TBC1D22A: variants seen among roughly 807,000 people sequenced by gnomAD.
TBC1D22A encodes the protein TBC1 domain family member 22A.
In TBC1D22A, 38 loss-of-function variants were observed where a neutral mutation model predicts 60.2. The ratio of observed to expected loss-of-function variants is 0.63; its 90% CI spans 0.49 to 0.83. The LOEUF (loss-of-function observed/expected upper bound fraction) is 0.83, where lower values mean the gene tolerates loss of function less well. Ranked by LOEUF, TBC1D22A falls within the 40% of genes least tolerant of loss-of-function variation. TBC1D22A has a pLI of 0.00. For missense variants in TBC1D22A, 628 were observed against 701.0 expected (o/e 0.90, Z 1.18); for synonymous variants, 302 against 281.7 (o/e 1.07, Z -0.72).
Position 46,957,688 on chromosome 22 carries a change from C to T in TBC1D22A, c.1016-16602C>T, listed in dbSNP as rs528401493. Among the ~76,000 whole-genome samples, 6 of 152,322 alleles carry T rather than the reference C, an allele frequency of 3.9e-5. No individual in the cohort carries two copies. In the East Asian group the frequency reaches 5.8e-4, roughly 15 times the overall value. Reference sequence around the variant, plus strand: ...GCTCGGGATCCCAGAATGAGGACAGCGTGGGCCAGCTAAGCTGAGTGGGGC... The same window carrying T: ...GCTCGGGATCCCAGAATGAGGACAGTGTGGGCCAGCTAAGCTGAGTGGGGC... On this transcript the variant is annotated intron_variant, in intron 8 of 12. Coordinates refer to ENST00000337137, the MANE Select transcript of TBC1D22A (RefSeq NM_014346.5).
chr22:47,105,456 G>T (rs1033380889), intron 11 of TBC1D22A, among the ~76,000 whole-genome samples: 1 of 152,172 alleles, frequency 6.6e-6, no homozygotes, highest in Non-Finnish European at 1.5e-5. Flanking sequence ...TTACCCAGGG[G>T]TATCTGCCAG....
intron 4 of TBC1D22A, among the ~76,000 whole-genome samples, chr22:46,817,129 T>C (rs1044745430): frequency 3.3e-5 from 5 of 152,214 alleles, no homozygotes; most frequent in African/African-American, 1.2e-4. Context: ...TAAAATTTTT[T>C]TTTCCTTTTG....
chr22:46,876,640 G>A (rs1645042306), intron 4 of TBC1D22A, among the ~76,000 whole-genome samples: 2 of 152,200 alleles, frequency 1.3e-5, no homozygotes, highest in Admixed American at 1.3e-4. Context: ...CTTCCCAAGA[G>A]CCGGGTGGAG....
intron 8 of TBC1D22A, among the ~76,000 whole-genome samples, chr22:46,971,986 A>C (rs1330243493): frequency 1.3e-5 from 2 of 152,124 alleles, no homozygotes. Flanking sequence ...TCATGGGCAC[A>C]CCCGGCTGGG....
chr22:46,878,529 T>C lies in TBC1D22A; in HGVS notation c.638-124T>C, dbSNP rs1602277829. 2.6e-5 allele frequency: 20 copies of C among 764,644 alleles called. No individual in the cohort carries two copies. The Admixed American group carries it at 4.0e-4, about 15-fold the overall frequency. 47.4% of individuals were successfully genotyped at this position (764,644 alleles called of 1,614,324 possible). The stretch of plus-strand genomic sequence containing the variant: ...AATCGTATCTGAAATGTTGATGATT[T>C]AGTTTAATTTGTTTATGGGGCTCCT... On this transcript the variant is annotated intron_variant, in intron 4 of 12. Coordinates refer to ENST00000337137, the MANE Select transcript of TBC1D22A (RefSeq NM_014346.5).
intron 10 of TBC1D22A, among the ~76,000 whole-genome samples, chr22:47,036,466 G>C (rs565111354): frequency 1.3e-5 from 2 of 152,220 alleles, no homozygotes; most frequent in African/African-American, 2.4e-5. Context: ...TGGTGTGAGC[G>C]TGTGCTTCTG....
chr22:47,058,392 C>T (rs574246429), intron 11 of TBC1D22A, among the ~76,000 whole-genome samples: 1 of 152,280 alleles, frequency 6.6e-6, no homozygotes, highest in East Asian at 1.9e-4. Context: ...CAGTGCTCTG[C>T]AGCCAGGCCA....
chr22:47,110,606 C>G (rs2065811244), intron 11 of TBC1D22A, among the ~76,000 whole-genome samples: 1 of 152,214 alleles, frequency 6.6e-6, no homozygotes, highest in Non-Finnish European at 1.5e-5. Flanking sequence ...CTTGCTGTTC[C>G]TCGTCCCAGT....
intron 4 of TBC1D22A, among the ~76,000 whole-genome samples, chr22:46,853,574 G>A (rs1415300951): frequency 6.6e-6 from 1 of 152,178 alleles, no homozygotes; most frequent in Non-Finnish European, 1.5e-5. Flanking sequence ...CGTGAGATAC[G>A]GGTGTTCTTA....
At chr22:46,972,739 C>G (rs182682803) in intron 8 of TBC1D22A, among the ~76,000 whole-genome samples, 2 of 152,322 alleles carry the variant, frequency 1.3e-5, no homozygotes, top group Admixed American at 6.5e-5. Context: ...CAAGACCACT[C>G]TGTCGCACAC....
At chr22:46,999,398 C>A (rs542052604) in intron 10 of TBC1D22A, among the ~76,000 whole-genome samples, 6 of 152,134 alleles carry the variant, frequency 3.9e-5, no homozygotes, top group Non-Finnish European at 8.8e-5. Flanking sequence ...TGTGTGTTGC[C>A]GTTGAGAGGT....
intron 3 of TBC1D22A, among the ~76,000 whole-genome samples, chr22:46,796,801 C>T (rs2084673593): frequency 1.3e-5 from 2 of 152,286 alleles, no homozygotes; most frequent in African/African-American, 2.4e-5. Flanking sequence ...GTGGTGGGGT[C>T]TGGGAAGGTG....
At position 47,009,639 on chromosome 22, in the gene TBC1D22A, GTCA is replaced by G. The variant is rs1158962023; in HGVS notation, c.1201+11935_1201+11937del. Among the ~76,000 whole-genome samples, 1 of 147,846 alleles carries G rather than the reference GTCA, an allele frequency of 6.8e-6. No homozygotes were observed. Among genetic ancestry groups the G allele is most frequent in the African/African-American group, 2.5e-5 (1 of 39,640 alleles). On this transcript the variant is annotated intron_variant, in intron 10 of 12. Coordinates refer to ENST00000337137, the MANE Select transcript of TBC1D22A (RefSeq NM_014346.5). The surrounding 1 kb of genome is among the most constrained non-coding windows in gnomAD (Gnocchi z 5.8). ...TTACTATCACCATCATTTCATCACC[GTCA>G]TCATTACCATCATCACCATCATCAT...
At chr22:46,868,149 T>A (rs986977495) in intron 4 of TBC1D22A, among the ~76,000 whole-genome samples, 2 of 152,306 alleles carry the variant, frequency 1.3e-5, no homozygotes, top group Middle Eastern at 3.4e-3. Context: ...AGGTCATATT[T>A]TTTACTGTTA....
intron 10 of TBC1D22A, among the ~76,000 whole-genome samples, chr22:47,013,601 T>C (rs138815754): frequency 2.0e-5 from 3 of 152,276 alleles, no homozygotes; most frequent in Admixed American, 2.0e-4. Flanking sequence ...AAAATCAGGC[T>C]AGGAGGCCGC....
At chr22:47,064,843 TC>T (rs1226182038) in intron 11 of TBC1D22A, among the ~76,000 whole-genome samples, 1 of 152,252 alleles carries the variant, frequency 6.6e-6, no homozygotes, top group African/African-American at 2.4e-5. Flanking sequence ...ATGTTAACTC[TC>T]CAAGTGTCTT....
At chr22:46,835,990 G>T (rs2086500829) in intron 4 of TBC1D22A, among the ~76,000 whole-genome samples, 1 of 152,132 alleles carries the variant, frequency 6.6e-6, no homozygotes, top group Non-Finnish European at 1.5e-5. Flanking sequence ...ACCCAGCAAA[G>T]CTGTCCTAAT....
chr22:47,003,119 C>T (rs1329245833), intron 10 of TBC1D22A, among the ~76,000 whole-genome samples: 4 of 152,244 alleles, frequency 2.6e-5, no homozygotes, highest in South Asian at 2.1e-4. Flanking sequence ...AAATAGAGAA[C>T]GTCTAGTTAA....
At chr22:47,137,147 T>A (rs2066906336) in intron 12 of TBC1D22A, among the ~76,000 whole-genome samples, 1 of 152,224 alleles carries the variant, frequency 6.6e-6, no homozygotes, top group Non-Finnish European at 1.5e-5. Flanking sequence ...TACGGTGTGT[T>A]CATTTCGTTA....
Sources: gnomAD v4.1 joint callset for allele counts (sites outside exome capture counted in the v4.1 genomes callset) on GRCh38, gnomAD v4.1.1 for gene constraint, Gnocchi (gnomAD v3.1) non-coding constraint, MANE v1.5 for transcripts, NCBI Gene and HGNC (gene_info 2026-07-23, HGNC 2026-07-21) for gene names.